ZNF428: variants seen among roughly 807,000 people sequenced by gnomAD.
ZNF428 encodes zinc finger protein 428.
A neutral mutation model predicts 15.6 loss-of-function variants in ZNF428; 5 were observed. That is an observed-to-expected ratio of 0.32 (90% CI 0.17 to 0.67). The LOEUF (loss-of-function observed/expected upper bound fraction) is 0.67, where lower values mean the gene tolerates loss of function less well. Ranked by LOEUF, ZNF428 falls within the 30% of genes least tolerant of loss-of-function variation. ZNF428 has a pLI of 0.73. For synonymous variants in ZNF428, 97 were observed against 102.2 expected (o/e 0.95, Z 0.31); for missense variants, 237 against 256.0 (o/e 0.93, Z 0.51).
chr19:43,618,566 CTTTTTTTTTTT>C lies in ZNF428; in HGVS notation c.-131+981_-131+991del, dbSNP rs551668437. ...GCCACCATGCCAGGCTTAATTTTTA[CTTTTTTTTTTT>C]TTTTTTTTTTTTGTAGAGACGGGGG... On this transcript the variant is annotated intron_variant, in intron 1 of 2. Transcript: ENST00000300811. Among the ~76,000 whole-genome samples the C allele has an allele frequency of 1.9e-4, 19 of 98,330 alleles. No individual in the cohort carries two copies. In the East Asian group the frequency reaches 3.6e-3, roughly 18 times the overall value. The allele number at this position is 98,330 out of a possible 152,430, so 64.5% of individuals were successfully genotyped here.
chr19:43,615,257 C>T (rs1973360793), intron 1 of ZNF428, among the ~76,000 whole-genome samples: 2 of 152,046 alleles, frequency 1.3e-5, no homozygotes, highest in African/African-American at 4.8e-5. Context: ...GATTCCATTC[C>T]AACGCTGTCC....
chr19:43,611,063 T>C (rs1286791015), intron 2 of ZNF428, among the ~76,000 whole-genome samples: 4 of 152,118 alleles, frequency 2.6e-5, no homozygotes, highest in African/African-American at 9.7e-5. Context: ...GCCACCACCC[T>C]GAAGCCCCAG....
chr19:43,611,156 G>GC (rs1194969370), intron 2 of ZNF428, among the ~76,000 whole-genome samples: 1 of 152,054 alleles, frequency 6.6e-6, no homozygotes, highest in Non-Finnish European at 1.5e-5. Context: ...GCAGTCAGCT[G>GC]CCCCCCAGGG....
chr19:43,616,209 A>T (rs756861766), intron 1 of ZNF428, among the ~76,000 whole-genome samples: 1 of 152,228 alleles, frequency 6.6e-6, no homozygotes, highest in Admixed American at 6.5e-5. Context: ...CCAAAGTGGC[A>T]GTTAGGGACA....
intron 2 of ZNF428, 54 bp from the exon 3 acceptor site, chr19:43,608,161 C>T: frequency 6.4e-7 from 1 of 1,558,356 alleles, no homozygotes; most frequent in African/African-American, 1.4e-5. Context: ...GAGGGCTAGG[C>T]CAAGCTGTCC....
rs771593141 is a variant in ZNF428, at chr19:43,614,265, C to T, written c.40G>A (p.Ala14Thr). ...TCTTCATCATCTTCTTCCAAGCTGGCGTAGCCCCCAGTCTCAGCTGGCTCA... is the reference window on the plus strand; with the variant it reads ...TCTTCATCATCTTCTTCCAAGCTGGTGTAGCCCCCAGTCTCAGCTGGCTCA... ...TREPAETGGY[A>T]SLEEDDEDLS... Residue 14 changes from alanine to threonine, a missense_variant, in exon 2 of 3, where the codon GCC (alanine) becomes ACC (threonine). Ala to Thr is a moderately conservative substitution (Grantham distance 58). Coordinates refer to ENST00000300811, the MANE Select transcript of ZNF428 (RefSeq NM_182498.4). 4.3e-6 allele frequency: 7 copies of T among 1,613,346 alleles called. No homozygotes were observed. The Admixed American group carries it at 5.0e-5, about 12-fold the overall frequency.
At chr19:43,617,405 A>T (rs1973382493) in intron 1 of ZNF428, among the ~76,000 whole-genome samples, 1 of 152,128 alleles carries the variant, frequency 6.6e-6, no homozygotes, top group Non-Finnish European at 1.5e-5. Context: ...TGGAAAATAC[A>T]TGGTCCCTTC....
rs1600084119 is a variant in ZNF428 at position 43,607,418 on chromosome 19, C to T, written c.*199G>A. ...ACAAACACACACACGGGCGGGAATACACACACACACACACACACTCTGAAC... is the reference window on the plus strand; with the variant it reads ...ACAAACACACACACGGGCGGGAATATACACACACACACACACACTCTGAAC... On this transcript the variant is annotated 3_prime_UTR_variant, in exon 3 of 3. Coordinates refer to ENST00000300811, the MANE Select transcript of ZNF428 (RefSeq NM_182498.4). The surrounding 1 kb of genome is among the most constrained non-coding windows in gnomAD (Gnocchi z 5.1). The T allele has an allele frequency of 6.0e-5, 3 of 50,152 alleles. No homozygotes were observed. Among genetic ancestry groups the T allele is most frequent in the Non-Finnish European group, 1.4e-4 (3 of 22,216 alleles). 3.1% of individuals were successfully genotyped at this position (50,152 alleles called of 1,614,324 possible).
chr19:43,607,933 C>T lies in ZNF428; in HGVS notation c.251G>A (p.Arg84His), dbSNP rs971308820. ...GRGGPSRRAP[R>H]AAQPPAQPCQ... ...AGGCTGGGCCGGGGGCTGGGCTGCA[C>T]GGGGGGCCCGGCGGGATGGGCCACC... The change falls in exon 3 of 3, where the codon CGT becomes CAT. Residue 84 changes from arginine to histidine, a missense_variant. By Grantham distance (29) the Arg-to-His change is conservative (BLOSUM62 0). Coordinates refer to ENST00000300811, the MANE Select transcript of ZNF428 (RefSeq NM_182498.4). This position sits in a 1 kb window ranked among gnomAD's most constrained non-coding sequence, Gnocchi z 5.1. The T allele has an allele frequency of 8.9e-6, 14 of 1,577,378 alleles. No individual in the cohort carries two copies. Among genetic ancestry groups the T allele is most frequent in the East Asian group, 2.3e-5 (1 of 42,968 alleles).
Position 43,607,939 on chromosome 19 carries a change from G to T in ZNF428, c.245C>A (p.Ala82Asp). ...GGCCGGGGGCTGGGCTGCACGGGGG[G>T]CCCGGCGGGATGGGCCACCACGGCC... is the stretch of plus-strand genomic sequence containing the variant. ...GGGRGGPSRR[A>D]PRAAQPPAQP... Residue 82 changes from alanine to aspartate, a missense_variant, in exon 3 of 3, where the codon GCC becomes GAC. Ala to Asp is a moderately radical substitution (Grantham distance 126, BLOSUM62 -2). Coordinates refer to ENST00000300811, the MANE Select transcript of ZNF428 (RefSeq NM_182498.4). The surrounding 1 kb of genome is among the most constrained non-coding windows in gnomAD (Gnocchi z 5.1). 6.3e-7 allele frequency: 1 copy of T among 1,580,142 alleles called. No individual in the cohort carries two copies.
Position 43,614,425 on chromosome 19 carries a change from G to A in ZNF428, c.-121C>T. 6.8e-7 allele frequency: 1 copy of A among 1,461,122 alleles called. No homozygotes were observed. The highest frequency in any genetic ancestry group is 9.0e-7 in the Non-Finnish European group (1 of 1,110,522). The allele number at this position is 1,461,122 out of a possible 1,614,324, so 90.5% of individuals were successfully genotyped here. On this transcript the variant is annotated 5_prime_UTR_variant, in exon 2 of 3. Transcript: ENST00000300811. Reference sequence around the variant, plus strand: ...CTCTAATACAGGATGTTGGCAGGTAGAGAGGGATGCTGGATAGGGGGAAAG... The same window carrying A: ...CTCTAATACAGGATGTTGGCAGGTAAAGAGGGATGCTGGATAGGGGGAAAG...
chr19:43,607,575 C>CA lies in ZNF428; in HGVS notation c.*41dup. On this transcript the variant is annotated 3_prime_UTR_variant, in exon 3 of 3. Coordinates refer to ENST00000300811, the MANE Select transcript of ZNF428 (RefSeq NM_182498.4). The surrounding 1 kb of genome is among the most constrained non-coding windows in gnomAD (Gnocchi z 5.1). Reference sequence around the variant, plus strand: ...CCCAATTTCCTCAGCCCCCTCCTCCCACCCCACCCCTTCTGCCAAGCTCCC... The same window carrying CA: ...CCCAATTTCCTCAGCCCCCTCCTCCCAACCCCACCCCTTCTGCCAAGCTCCC... 6.5e-7 allele frequency: 1 copy of CA among 1,536,040 alleles called. No homozygotes were observed. Among genetic ancestry groups the CA allele is most frequent in the Non-Finnish European group, 8.8e-7 (1 of 1,140,446 alleles).
At chr19:43,615,844 C>T (rs1276477322) in intron 1 of ZNF428, among the ~76,000 whole-genome samples, 1 of 152,080 alleles carries the variant, frequency 6.6e-6, no homozygotes, top group Non-Finnish European at 1.5e-5. Context: ...AGCTTCACGC[C>T]CTCCCTGGGG....
Position 43,607,864 on chromosome 19 carries a change from C to T in ZNF428, c.320G>A (p.Gly107Glu), listed in dbSNP as rs947950020. ...GCAGCAGAGCCGGCAGGGTGGGGTT[C>T]CCGGTGGGGCCTCCCCAAGGGGTGA... The part of the protein sequence containing the change: ...GRSPLGEAPP[G>E]TPPCRLCCPA... The change falls in exon 3 of 3, where the codon GGA (glycine) becomes GAA (glutamate). Residue 107 changes from glycine (G) to glutamate (E), a missense_variant. Transcript: ENST00000300811. This position sits in a 1 kb window ranked among gnomAD's most constrained non-coding sequence, Gnocchi z 5.1. 3 of 1,555,438 alleles carry T rather than the reference C, an allele frequency of 1.9e-6. No individual in the cohort carries two copies. Among genetic ancestry groups the T allele is most frequent in the Middle Eastern group, 1.7e-4 (1 of 5,904 alleles).
chr19:43,614,048 C>T (rs1474044798), intron 2 of ZNF428, 181 bp downstream of exon 2: 2 of 1,552,586 alleles, frequency 1.3e-6, no homozygotes, highest in African/African-American at 2.7e-5. Context: ...CGACCCCAGT[C>T]AATCTACAGT....
chr19:43,610,127 T>C (rs1446428855), intron 2 of ZNF428, among the ~76,000 whole-genome samples: 1 of 151,832 alleles, frequency 6.6e-6, no homozygotes, highest in Non-Finnish European at 1.5e-5. Context: ...TCCATGTCTC[T>C]TCTCAAGTGT....
At chr19:43,614,160 C>G in intron 2 of ZNF428, 69 bp downstream of exon 2, 1 of 1,613,978 alleles carries the variant, frequency 6.2e-7, no homozygotes, top group Non-Finnish European at 8.5e-7. Context: ...TCAACATTTC[C>G]CAGTGGGGGC....
rs1161086621 is a variant in ZNF428 at position 43,614,259 on chromosome 19, A to G, written c.46T>C (p.Leu16=). The change falls in exon 2 of 3, where the codon TTG becomes CTG. Residue 16 remains leucine (L), a synonymous_variant. Transcript: ENST00000300811. ...GAAAGGTCTTCATCATCTTCTTCCAAGCTGGCGTAGCCCCCAGTCTCAGCT... is the reference window on the plus strand; with the variant it reads ...GAAAGGTCTTCATCATCTTCTTCCAGGCTGGCGTAGCCCCCAGTCTCAGCT... ...EPAETGGYAS[L]EEDDEDLSPG... is the part of the protein sequence containing the mutation. 1 of 1,613,874 alleles carries G rather than the reference A, an allele frequency of 6.2e-7. No homozygotes were observed. Among genetic ancestry groups the G allele is most frequent in the Non-Finnish European group, 8.5e-7 (1 of 1,179,822 alleles).
chr19:43,612,535 G>T lies in ZNF428; in HGVS notation c.76+1694C>A, dbSNP rs764828004. ...GCAGCTCCAAGAGGTCACCCAGCAG[G>T]GCCAGCACTCCTGGCAGGATAAGAA... On this transcript the variant is annotated intron_variant, in intron 2 of 2. Transcript: ENST00000300811. This position sits in a 1 kb window ranked among gnomAD's most constrained non-coding sequence, Gnocchi z 4.2. 1 of 1,551,394 alleles carries T rather than the reference G, an allele frequency of 6.4e-7. No homozygotes were observed. Among genetic ancestry groups the T allele is most frequent in the Non-Finnish European group, 8.7e-7 (1 of 1,146,960 alleles).
Sources: gnomAD v4.1 joint callset for allele counts (sites outside exome capture counted in the v4.1 genomes callset) on GRCh38, gnomAD v4.1.1 for gene constraint, Gnocchi (gnomAD v3.1) non-coding constraint, MANE v1.5 for transcripts, NCBI Gene and HGNC (gene_info 2026-07-23, HGNC 2026-07-21) for gene names.